The following MSRA variants were observed in gnomAD, a reference collection of about 807,000 sequenced individuals.
The protein encoded by MSRA is mitochondrial peptide methionine sulfoxide reductase.
MSRA carries 54 observed loss-of-function variants against 31.3 expected under a neutral mutation model. The ratio of observed to expected loss-of-function variants is 1.73; its 90% CI spans 1.39 to 2.17. The LOEUF is 2.17. Ranked by LOEUF, MSRA falls within the 30% of genes most tolerant of loss-of-function variation. The pLI is 0.00. For missense variants in MSRA, 507 were observed against 300.9 expected (o/e 1.69, Z -5.07); for synonymous variants, 169 against 116.5 (o/e 1.45, Z -2.90).
At chr8:10,080,690 T>C (rs1798246826) in intron 1 of MSRA, among the ~76,000 whole-genome samples, 1 of 70,244 alleles carries the variant, frequency 1.4e-5, no homozygotes, top group South Asian at 6.9e-4. Context: ...CATGCCTGGC[T>C]AATTTTTTTT....
At position 10,428,388 on chromosome 8, in the gene MSRA, A is replaced by C; in HGVS notation, c.*76A>C. 1 of 1,481,918 alleles carries C rather than the reference A, an allele frequency of 6.7e-7. No individual in the cohort carries two copies. The highest frequency in any genetic ancestry group is 9.3e-7 in the Non-Finnish European group (1 of 1,078,408). 91.8% of individuals were successfully genotyped at this position (1,481,918 alleles called of 1,614,324 possible). A position where few individuals can be genotyped will look rare whatever the true frequency, so the allele number is the denominator to read the frequency against. ...AAATTGGGCAATGCTTGTGTGATTC[A>C]CAATCGTGGCATTTAAAGTGCACAA... On this transcript the variant is annotated 3_prime_UTR_variant, in exon 6 of 6. Transcript: ENST00000317173.
intron 5 of MSRA, among the ~76,000 whole-genome samples, chr8:10,348,399 T>TTGCTC (rs1302768112): frequency 9.8e-6 from 1 of 102,186 alleles, no homozygotes; most frequent in Non-Finnish European, 2.2e-5. Context: ...AGTCTTGCTC[T>TTGCTC]TGCTCTGTCG....
At chr8:10,082,136 G>C (rs180815027) in intron 1 of MSRA, among the ~76,000 whole-genome samples, 1 of 152,106 alleles carries the variant, frequency 6.6e-6, no homozygotes, top group African/African-American at 2.4e-5. Context: ...AGCACAGGAG[G>C]TCAAGACTGA....
intron 5 of MSRA, among the ~76,000 whole-genome samples, chr8:10,387,628 C>T (rs1421416870): frequency 2.0e-5 from 3 of 152,158 alleles, no homozygotes; most frequent in Non-Finnish European, 2.9e-5. Context: ...GGTGCAAGTT[C>T]ACTGCAGACA....
chr8:10,177,563 C>A lies in MSRA; in HGVS notation c.143-30270C>A, dbSNP rs529550918. On this transcript the variant is annotated intron_variant, in intron 1 of 5. Transcript: ENST00000317173. ...TACTTACCCTGATGGCTATAGAAGT[C>A]ACTGTTTCATATGCTATATCAGAAT... Among the ~76,000 whole-genome samples the A allele has an allele frequency of 1.4e-4, 22 of 152,224 alleles. No individual in the cohort carries two copies. The South Asian group carries it at 4.6e-3, about 32-fold the overall frequency.
chr8:10,291,300 C>T (rs1285304293), intron 3 of MSRA, among the ~76,000 whole-genome samples: 1 of 148,004 alleles, frequency 6.8e-6, no homozygotes, highest in Admixed American at 6.6e-5. Context: ...GGCGGGCCAA[C>T]AACAACAAAA....
At chr8:10,326,553 A>G (rs1481580325) in intron 5 of MSRA, 2 of 152,198 alleles carry the variant, frequency 1.3e-5, no homozygotes, top group African/African-American at 4.8e-5. Flanking sequence ...GACCTTGAAC[A>G]TGCTGGATTC....
chr8:10,225,396 T>C (rs919229832), intron 2 of MSRA, among the ~76,000 whole-genome samples: 8 of 152,260 alleles, frequency 5.3e-5, no homozygotes, highest in African/African-American at 1.9e-4. Context: ...TGCTCTAAGC[T>C]TTTTGATGAT....
chr8:10,232,140 GC>G (rs1811539338), intron 2 of MSRA, among the ~76,000 whole-genome samples: 1 of 152,148 alleles, frequency 6.6e-6, no homozygotes, highest in Admixed American at 6.5e-5. Flanking sequence ...TGTGTACGTG[GC>G]TGTGTTCTGA....
At chr8:10,160,512 A>G (rs924310121) in intron 1 of MSRA, among the ~76,000 whole-genome samples, 1 of 152,024 alleles carries the variant, frequency 6.6e-6, no homozygotes, top group East Asian at 1.9e-4. Context: ...AAAAAAATCT[A>G]TATAGATCTC....
intron 1 of MSRA, among the ~76,000 whole-genome samples, 180 bp downstream of exon 1, chr8:10,054,838 C>T (rs566883289): frequency 5.4e-4 from 82 of 152,308 alleles, no homozygotes; most frequent in South Asian, 2.7e-3. Flanking sequence ...CTGGGGTCCA[C>T]TGACGTCCCT....
chr8:10,195,806 A>C (rs944724353), intron 1 of MSRA, among the ~76,000 whole-genome samples: 2 of 152,372 alleles, frequency 1.3e-5, no homozygotes, highest in African/African-American at 4.8e-5. Flanking sequence ...GACACAGTTC[A>C]TGCTCCATTT....
chr8:10,375,729 C>T (rs1195067721), intron 5 of MSRA, among the ~76,000 whole-genome samples: 2 of 152,214 alleles, frequency 1.3e-5, no homozygotes, highest in African/African-American at 2.4e-5. Flanking sequence ...TGCAACACCT[C>T]AAAGACCAAC....
chr8:10,069,442 A>G (rs770924820), intron 1 of MSRA, among the ~76,000 whole-genome samples: 5 of 152,224 alleles, frequency 3.3e-5, no homozygotes, highest in Non-Finnish European at 7.3e-5. Context: ...TGATAACAGA[A>G]TACCACAGAA....
chr8:10,068,270 GTCT>G (rs1797561213), intron 1 of MSRA, among the ~76,000 whole-genome samples: 1 of 152,074 alleles, frequency 6.6e-6, no homozygotes, highest in Non-Finnish European at 1.5e-5. Context: ...CCTGTGGCTT[GTCT>G]TCTTATCTTC....
chr8:10,179,887 A>G lies in MSRA; in HGVS notation c.143-27946A>G, dbSNP rs561301473. Among the ~76,000 whole-genome samples, 7 of 152,332 alleles carry G rather than the reference A, an allele frequency of 4.6e-5. No homozygotes were observed. The South Asian group carries it at 1.4e-3, about 32-fold the overall frequency. The stretch of plus-strand genomic sequence containing the variant: ...AAAGATTTTTATTTGCAGAAATGTC[A>G]ACCCCAAAGTTGTTCTAAGTGGGAA... On this transcript the variant is annotated intron_variant, in intron 1 of 5. Transcript: ENST00000317173.
intron 1 of MSRA, among the ~76,000 whole-genome samples, chr8:10,155,002 T>TTATATATATATATATATATATATA (rs528753270): frequency 0.015 from 1,871 of 123,592 alleles, 156 homozygotes; most frequent in African/African-American, 0.057. Context: ...TGTATATATT[T>TTATATATATATATATATATATATA]TATATATATA....
intron 5 of MSRA, among the ~76,000 whole-genome samples, chr8:10,343,882 T>G (rs773949002): frequency 2.0e-5 from 3 of 152,240 alleles, no homozygotes; most frequent in Non-Finnish European, 4.4e-5. Context: ...GTATGCTACC[T>G]CAGATCCTGT....
At chr8:10,157,621 T>A (rs1392215614) in intron 1 of MSRA, among the ~76,000 whole-genome samples, 1 of 151,994 alleles carries the variant, frequency 6.6e-6, no homozygotes, top group Non-Finnish European at 1.5e-5. Context: ...ATAGGTTTTT[T>A]ACACTCTAAA....
Sources: allele counts gnomAD v4.1 joint callset (sites outside exome capture counted in the v4.1 genomes callset), GRCh38; gene constraint gnomAD v4.1.1; transcripts MANE v1.5; gene names NCBI Gene and HGNC (gene_info 2026-07-23, HGNC 2026-07-21).